BYSL: variants seen among roughly 807,000 people sequenced by gnomAD.
The protein encoded by BYSL is bystin like.
In BYSL, 21 loss-of-function variants were observed where a neutral mutation model predicts 45.4. That is an observed-to-expected ratio of 0.46 (90% CI 0.33 to 0.67). BYSL has a LOEUF of 0.67. Ranked by LOEUF, BYSL falls within the 30% of genes least tolerant of loss-of-function variation. BYSL has a pLI of 0.02. For missense variants in BYSL, 522 were observed against 578.5 expected, an observed-to-expected ratio of 0.90 and a Z score of 1.00; for synonymous variants, 215 against 231.3, an observed-to-expected ratio of 0.93 and a Z score of 0.64.
At chr6:41,918,953 C>CA (rs36153208), upstream of BYSL, among the ~76,000 whole-genome samples, 28,260 of 76,000 alleles carry the variant, frequency 0.37, 6,879 homozygotes, top group South Asian at 0.42. Context: ...GACTCCGTCT[C>CA]AAAAAAAAAA....
upstream of BYSL, chr6:41,921,481 G>C: frequency 6.8e-7 from 1 of 1,477,672 alleles, no homozygotes; most frequent in Non-Finnish European, 9.0e-7. Context: ...CCTCTTGGGC[G>C]CTGGGAGTCC....
At chr6:41,910,388 T>C in the BYSL span, among the ~76,000 whole-genome samples, 1 of 151,906 alleles carries the variant, frequency 6.6e-6, no homozygotes, top group African/African-American at 2.4e-5. Flanking sequence ...TCCCAACACT[T>C]TGGGAGGCTG....
At chr6:41,927,565 C>T (rs372308315) in intron 2 of BYSL, 29 bp downstream of exon 2, 51 of 1,606,156 alleles carry the variant, frequency 3.2e-5, no homozygotes, top group Non-Finnish European at 5.1e-6. Flanking sequence ...GATAATGAGT[C>T]CTTGTAGAAA....
upstream of BYSL, chr6:41,920,910 C>A: frequency 6.6e-7 from 1 of 1,510,480 alleles, no homozygotes; most frequent in Non-Finnish European, 8.9e-7. Flanking sequence ...GGACATCTCC[C>A]TCAGCTCCCA....
the BYSL span, among the ~76,000 whole-genome samples, chr6:41,910,436 G>C: frequency 6.7e-6 from 1 of 149,958 alleles, no homozygotes; most frequent in Admixed American, 6.6e-5. Flanking sequence ...GTTCCAGACC[G>C]GCCTGATCAA....
At chr6:41,927,664 T>C in intron 2 of BYSL, 128 bp downstream of exon 2, 1 of 1,172,138 alleles carries the variant, frequency 8.5e-7, no homozygotes, top group Non-Finnish European at 1.2e-6. Flanking sequence ...GGGGACCACC[T>C]TGACAAAACT....
At position 41,930,233 on chromosome 6, in the gene BYSL, AC is replaced by A. The variant is rs753100203; in HGVS notation, c.538del (p.Arg180GlyfsTer3). ...EVSGFPMPQL[D>X]PRVLEVYRGV... ...TCGGGCTTCCCTATGCCCCAGCTGGACCCCCGGGTCCTAGAAGTGTACAGGG... is the reference window on the plus strand; with the variant it reads ...TCGGGCTTCCCTATGCCCCAGCTGGACCCCGGGTCCTAGAAGTGTACAGGG... On this transcript the variant is annotated frameshift_variant, in exon 3 of 7. Coordinates refer to ENST00000230340, the MANE Select transcript of BYSL (RefSeq NM_004053.4). LOFTEE classifies it high-confidence loss of function. 3 of 1,613,994 alleles carry A rather than the reference AC, an allele frequency of 1.9e-6. No homozygotes were observed. The highest frequency in any genetic ancestry group is 3.3e-5 in the Admixed American group (2 of 60,000).
chr6:41,918,774 C>G (rs1391473356), upstream of BYSL, among the ~76,000 whole-genome samples: 2 of 150,406 alleles, frequency 1.3e-5, no homozygotes, highest in Admixed American at 6.6e-5. Flanking sequence ...GGTGAAACCC[C>G]GTCTCTACTA....
chr6:41,909,491 G>T, the BYSL span: 3 of 1,614,248 alleles, frequency 1.9e-6, no homozygotes, highest in East Asian at 4.5e-5. Flanking sequence ...ACTCTGAGTT[G>T]TGCATCACAT....
chr6:41,909,608 G>T, the BYSL span: 2 of 1,553,760 alleles, frequency 1.3e-6, no homozygotes, highest in Non-Finnish European at 1.7e-6. Flanking sequence ...CCGGAATGAG[G>T]CCAGACAGCA....
chr6:41,932,052 CAA>C lies in BYSL; in HGVS notation c.968+224_968+225del, dbSNP rs1561945789. Among the ~76,000 whole-genome samples the C allele has an allele frequency of 6.6e-6, 1 of 152,106 alleles. No homozygotes were observed. The highest frequency in any genetic ancestry group is 2.4e-5 in the African/African-American group (1 of 41,416). ...AGTAAGTTCTCAGTAAATAGATAAACAAATGAGTAGGAAACACAGGAAGAAAG... is the reference window on the plus strand; with the variant it reads ...AGTAAGTTCTCAGTAAATAGATAAACATGAGTAGGAAACACAGGAAGAAAG... On this transcript the variant is annotated intron_variant, in intron 6 of 6. Coordinates refer to ENST00000230340, the MANE Select transcript of BYSL (RefSeq NM_004053.4). This position sits in a 1 kb window ranked among gnomAD's most constrained non-coding sequence, Gnocchi z 4.7.
At chr6:41,926,026 TC>T (rs1351661781) in intron 1 of BYSL, among the ~76,000 whole-genome samples, 1 of 152,170 alleles carries the variant, frequency 6.6e-6, no homozygotes, top group African/African-American at 2.4e-5. Flanking sequence ...AAATCTGAAC[TC>T]TACTGCCTGA....
At chr6:41,913,621 T>G in the BYSL span, among the ~76,000 whole-genome samples, 1 of 152,182 alleles carries the variant, frequency 6.6e-6, no homozygotes, top group African/African-American at 2.4e-5. Context: ...CATGACAGGC[T>G]GGGTGCAGTG....
At chr6:41,930,095 C>T (rs1392785126) in intron 2 of BYSL, 37 bp from the exon 3 acceptor site, 1 of 1,612,336 alleles carries the variant, frequency 6.2e-7, no homozygotes, top group African/African-American at 1.3e-5. Flanking sequence ...TGCTCCTTGC[C>T]CCCTCTCTCC....
At chr6:41,931,325 T>G in intron 4 of BYSL, 71 bp from the exon 5 acceptor site, 1 of 1,551,084 alleles carries the variant, frequency 6.4e-7, no homozygotes, top group Non-Finnish European at 8.9e-7. Flanking sequence ...GCACTATCCA[T>G]GGTGATATTT....
At chr6:41,927,784 A>G in intron 2 of BYSL, 1 of 453,296 alleles carries the variant, frequency 2.2e-6, no homozygotes, top group South Asian at 2.8e-5. Flanking sequence ...AAACAGTTCC[A>G]GGCCCCTTTT....
At position 41,921,549 on chromosome 6, in the gene BYSL, CT is replaced by C; in HGVS notation, c.-9del. ...CCCCACGTGCGATCCTTCCCGGCAACTTTTTCGAGAAAAATGCCCAAATTCA... is the reference window on the plus strand; with the variant it reads ...CCCCACGTGCGATCCTTCCCGGCAACTTTTCGAGAAAAATGCCCAAATTCA... On this transcript the variant is annotated 5_prime_UTR_variant, in exon 1 of 7. Transcript: ENST00000230340. The C allele has an allele frequency of 6.4e-7, 1 of 1,554,486 alleles. No homozygotes were observed. Among genetic ancestry groups the C allele is most frequent in the Non-Finnish European group, 8.7e-7 (1 of 1,148,588 alleles).
intron 2 of BYSL, among the ~76,000 whole-genome samples, chr6:41,929,128 C>T (rs1044107021): frequency 1.4e-4 from 21 of 152,154 alleles, no homozygotes; most frequent in Admixed American, 1.2e-3. Context: ...TCTCAAACTC[C>T]TGACCTCACG....
At chr6:41,924,947 G>T (rs1775542255) in intron 1 of BYSL, among the ~76,000 whole-genome samples, 1 of 152,172 alleles carries the variant, frequency 6.6e-6, no homozygotes, top group South Asian at 2.1e-4. Flanking sequence ...GAGGGTGAGG[G>T]CAGGGGATGA....
Sources: allele counts gnomAD v4.1 joint callset (sites outside exome capture counted in the v4.1 genomes callset), GRCh38; gene constraint gnomAD v4.1.1; non-coding constraint Gnocchi (gnomAD v3.1); transcripts MANE v1.5; gene names NCBI Gene and HGNC (gene_info 2026-07-23, HGNC 2026-07-21).